Variants in AK4 observed in about 807,000 individuals in gnomAD.
The protein encoded by AK4 is adenylate kinase 4, mitochondrial.
A neutral mutation model predicts 24.6 loss-of-function variants in AK4; 13 were observed. The ratio of observed to expected loss-of-function variants is 0.53; its 90% CI spans 0.34 to 0.84. AK4 has a LOEUF of 0.84. AK4 is among the 40% of genes least tolerant of loss of function. AK4 has a pLI of 0.01. For synonymous variants in AK4, 88 were observed against 107.0 expected (o/e 0.82, Z 1.10); for missense variants, 192 against 288.2 (o/e 0.67, Z 2.42).
chr1:65,188,559 A>G (rs1261453779), intron 1 of AK4, among the ~76,000 whole-genome samples: 1 of 151,708 alleles, frequency 6.6e-6, no homozygotes, highest in African/African-American at 2.4e-5. Flanking sequence ...GCTCACTGCA[A>G]GCTCCGCCTC....
At chr1:65,175,767 CGGTTAAACATTCTG>C (rs1650693233) in intron 1 of AK4, among the ~76,000 whole-genome samples, 1 of 152,102 alleles carries the variant, frequency 6.6e-6, no homozygotes, top group Non-Finnish European at 1.5e-5. Context: ...CTTGAGGAGA[CGGTTAAACATTCTG>C]GGTTTAAAAC....
intron 2 of AK4, among the ~76,000 whole-genome samples, chr1:65,196,108 C>T (rs373536834): frequency 4.6e-5 from 7 of 152,112 alleles, no homozygotes; most frequent in Admixed American, 1.3e-4. Flanking sequence ...GTGTGGAGTG[C>T]GAGGGATGCC....
intron 1 of AK4, chr1:65,154,432 G>A: frequency 2.2e-6 from 1 of 451,612 alleles, no homozygotes; most frequent in Non-Finnish European, 4.5e-6. Context: ...AAGAGCACAT[G>A]CATGGGCTAG....
At chr1:65,212,104 G>A (rs1247100446) in intron 2 of AK4, among the ~76,000 whole-genome samples, 1 of 152,144 alleles carries the variant, frequency 6.6e-6, no homozygotes, top group African/African-American at 2.4e-5. Context: ...GAGAAATGAG[G>A]TGAGAGAGGT....
At chr1:65,211,637 T>C (rs1303860815) in intron 2 of AK4, among the ~76,000 whole-genome samples, 3 of 152,224 alleles carry the variant, frequency 2.0e-5, no homozygotes, top group Non-Finnish European at 2.9e-5. Context: ...AAGGCCTACC[T>C]GACAGAATTA....
intron 2 of AK4, among the ~76,000 whole-genome samples, chr1:65,195,010 A>G (rs1308098450): frequency 1.3e-5 from 2 of 152,204 alleles, no homozygotes; most frequent in African/African-American, 2.4e-5. Context: ...TTGTGCTGCT[A>G]TAACAGAACA....
At chr1:65,194,443 T>C in intron 2 of AK4, among the ~76,000 whole-genome samples, 1 of 152,216 alleles carries the variant, frequency 6.6e-6, no homozygotes, top group East Asian at 1.9e-4. Context: ...TTGCTGCTAA[T>C]ATGCCAGTCA....
chr1:65,189,187 G>A (rs561211005), intron 1 of AK4, among the ~76,000 whole-genome samples: 4 of 149,236 alleles, frequency 2.7e-5, no homozygotes, highest in African/African-American at 7.4e-5. Context: ...CGCCTGCCTC[G>A]ACCTCCCAAA....
chr1:65,178,814 GCACAGA>G (rs1465382003), intron 1 of AK4, among the ~76,000 whole-genome samples: 1 of 152,186 alleles, frequency 6.6e-6, no homozygotes, highest in African/African-American at 2.4e-5. Context: ...TCTGTGCCTG[GCACAGA>G]CAAGGGGTCA....
chr1:65,210,467 C>T (rs1055820719), intron 2 of AK4, among the ~76,000 whole-genome samples: 4 of 152,206 alleles, frequency 2.6e-5, no homozygotes, highest in African/African-American at 9.7e-5. Context: ...CAGTTTCCCC[C>T]ACCCTCCTCG....
chr1:65,167,195 A>G (rs1650361050), intron 1 of AK4, among the ~76,000 whole-genome samples: 1 of 152,204 alleles, frequency 6.6e-6, no homozygotes, highest in Admixed American at 6.5e-5. Context: ...GTTTTCCTGT[A>G]GGTCTAATCG....
At chr1:65,175,639 A>G (rs1401977457) in intron 1 of AK4, among the ~76,000 whole-genome samples, 3 of 152,174 alleles carry the variant, frequency 2.0e-5, no homozygotes, top group East Asian at 1.9e-4. Flanking sequence ...AGGCTGTTCT[A>G]TGGTTTTTAC....
At chr1:65,191,673 GC>G (rs1223710167) in intron 2 of AK4, among the ~76,000 whole-genome samples, 1 of 151,832 alleles carries the variant, frequency 6.6e-6, no homozygotes, top group East Asian at 1.9e-4. Flanking sequence ...CTTTGATTTT[GC>G]CATAAAGATG....
At chr1:65,207,226 C>A (rs528074989) in intron 2 of AK4, among the ~76,000 whole-genome samples, 1 of 152,238 alleles carries the variant, frequency 6.6e-6, no homozygotes, top group East Asian at 1.9e-4. Context: ...TTCCTCCCTA[C>A]CTCCCTTCTT....
At chr1:65,178,388 C>T (rs892165875) in intron 1 of AK4, among the ~76,000 whole-genome samples, 23 of 152,292 alleles carry the variant, frequency 1.5e-4, no homozygotes, top group African/African-American at 4.1e-4. Context: ...CTGTGTTCTC[C>T]GGCACACGGC....
chr1:65,201,437 A>G (rs1328839239), intron 2 of AK4, among the ~76,000 whole-genome samples: 1 of 152,224 alleles, frequency 6.6e-6, no homozygotes, highest in Admixed American at 6.5e-5. Flanking sequence ...GATTGACTAG[A>G]TTTTAACATT....
intron 1 of AK4, among the ~76,000 whole-genome samples, chr1:65,171,539 T>C (rs1650524760): frequency 6.6e-6 from 1 of 151,716 alleles, no homozygotes; most frequent in Non-Finnish European, 1.5e-5. Flanking sequence ...ACCCCTGACC[T>C]CCTGATCTGC....
At chr1:65,163,319 G>C (rs1027276337) in intron 1 of AK4, among the ~76,000 whole-genome samples, 1 of 152,068 alleles carries the variant, frequency 6.6e-6, no homozygotes, top group African/African-American at 2.4e-5. Flanking sequence ...AATGATTCAC[G>C]AATCGGGCAG....
intron 1 of AK4, among the ~76,000 whole-genome samples, chr1:65,159,438 C>T (rs552132275): frequency 3.4e-4 from 52 of 152,244 alleles, no homozygotes; most frequent in Non-Finnish European, 5.0e-4. Context: ...GGATGGATCA[C>T]TTGAGCCCAG....
Sources: gnomAD v4.1 joint callset for allele counts (sites outside exome capture counted in the v4.1 genomes callset) on GRCh38, gnomAD v4.1.1 for gene constraint, MANE v1.5 for transcripts, NCBI Gene and HGNC (gene_info 2026-07-23, HGNC 2026-07-21) for gene names.